DLG2: variants seen among roughly 807,000 people sequenced by gnomAD.
The protein encoded by DLG2 is discs large MAGUK scaffold protein 2.
In DLG2, 45 loss-of-function variants were observed where a neutral mutation model predicts 132.5. The ratio of observed to expected loss-of-function variants is 0.34; its 90% CI spans 0.27 to 0.44. The LOEUF is 0.44. DLG2 is among the 20% of genes least tolerant of loss of function. The probability of loss-of-function intolerance (pLI) is 1.00; values close to 1 mark genes in which losing one functional copy is unlikely to be tolerated. For missense variants in DLG2, 1,045 were observed against 1,196.9 expected, an observed-to-expected ratio of 0.87 and a Z score of 1.87; for synonymous variants, 424 against 419.6, an observed-to-expected ratio of 1.01 and a Z score of -0.13.
At chr11:84,308,905 G>C (rs1440563687) in intron 7 of DLG2, among the ~76,000 whole-genome samples, 2 of 152,138 alleles carry the variant, frequency 1.3e-5, no homozygotes, top group Non-Finnish European at 2.9e-5. Context: ...CCCAGTTCCC[G>C]CCCGCGCCTC....
chr11:84,294,321 A>C (rs1456895846), intron 7 of DLG2, among the ~76,000 whole-genome samples: 1 of 152,182 alleles, frequency 6.6e-6, no homozygotes, highest in African/African-American at 2.4e-5. Flanking sequence ...CCTCTTGGCC[A>C]GGTGCAGTGG....
At chr11:85,176,726 T>C (rs2079276773) in intron 4 of DLG2, among the ~76,000 whole-genome samples, 1 of 152,156 alleles carries the variant, frequency 6.6e-6, no homozygotes, top group South Asian at 2.1e-4. Flanking sequence ...GACGAAGGTC[T>C]AATATCTAGA....
chr11:85,357,704 T>TTATATATATATA (rs58283704), intron 3 of DLG2, among the ~76,000 whole-genome samples: 1 of 106,272 alleles, frequency 9.4e-6, no homozygotes, highest in African/African-American at 3.6e-5. Context: ...CTGTTCTGAA[T>TTATATATATATA]TATATATATA....
At chr11:84,983,454 A>G (rs945054545) in intron 6 of DLG2, among the ~76,000 whole-genome samples, 2 of 152,244 alleles carry the variant, frequency 1.3e-5, no homozygotes, top group African/African-American at 2.4e-5. Flanking sequence ...GTACTAATAC[A>G]TCAAGGAAAC....
intron 7 of DLG2, among the ~76,000 whole-genome samples, chr11:84,380,514 AAAG>A (rs2098745657): frequency 1.3e-5 from 2 of 152,002 alleles, no homozygotes; most frequent in South Asian, 2.1e-4. Context: ...CACAGGAGTT[AAAG>A]AAGAAAACTA....
At chr11:84,698,914 A>G (rs1003087418) in intron 6 of DLG2, among the ~76,000 whole-genome samples, 1 of 151,632 alleles carries the variant, frequency 6.6e-6, no homozygotes, top group African/African-American at 2.4e-5. Context: ...TCATATGTAT[A>G]GTATGAAATA....
chr11:84,297,425 T>C (rs767784522), intron 7 of DLG2, among the ~76,000 whole-genome samples: 5 of 152,304 alleles, frequency 3.3e-5, no homozygotes, highest in Non-Finnish European at 7.3e-5. Flanking sequence ...TTATTTTTCT[T>C]ATCTTCTCAC....
chr11:83,794,131 C>T (rs1454381240), intron 17 of DLG2, among the ~76,000 whole-genome samples: 1 of 152,118 alleles, frequency 6.6e-6, no homozygotes, highest in Non-Finnish European at 1.5e-5. Flanking sequence ...ATAATAAAAT[C>T]TTGTTCATTT....
intron 21 of DLG2, among the ~76,000 whole-genome samples, chr11:83,529,656 G>T (rs1264066313): frequency 6.6e-6 from 1 of 151,048 alleles, no homozygotes; most frequent in Non-Finnish European, 1.5e-5. Context: ...CAATCCATTA[G>T]TCTACACAGG....
At chr11:85,499,098 C>G (rs551395533) in intron 3 of DLG2, among the ~76,000 whole-genome samples, 40 of 152,218 alleles carry the variant, frequency 2.6e-4, no homozygotes, top group Admixed American at 1.2e-3. Flanking sequence ...CAACTAAGAT[C>G]AGAGCAGAAC....
chr11:83,827,794 C>A (rs1008718386), intron 17 of DLG2, among the ~76,000 whole-genome samples: 1 of 152,166 alleles, frequency 6.6e-6, no homozygotes, highest in Admixed American at 6.5e-5. Context: ...TTTCCTTCTG[C>A]AGAAAGAATG....
chr11:83,737,584 T>C (rs1333785345), intron 18 of DLG2, among the ~76,000 whole-genome samples: 1 of 152,176 alleles, frequency 6.6e-6, no homozygotes, highest in Non-Finnish European at 1.5e-5. Context: ...TAAACACAGA[T>C]TGGAAAAGGA....
At chr11:83,967,971 T>C (rs1400183201) in intron 12 of DLG2, among the ~76,000 whole-genome samples, 1 of 152,192 alleles carries the variant, frequency 6.6e-6, no homozygotes, top group Non-Finnish European at 1.5e-5. Context: ...TTGAAAAGAC[T>C]AGCCTTTCTT....
intron 22 of DLG2, among the ~76,000 whole-genome samples, chr11:83,481,037 G>C (rs143514304): frequency 3.3e-5 from 5 of 152,058 alleles, no homozygotes; most frequent in African/African-American, 1.2e-4. Flanking sequence ...AATATTTTAC[G>C]AATCAGCTCA....
intron 6 of DLG2, 111 bp from the exon 7 acceptor site, chr11:84,534,842 T>C (rs368435768): frequency 1.0e-5 from 13 of 1,254,240 alleles, no homozygotes; most frequent in Non-Finnish European, 1.5e-5. Context: ...GCACCTACTG[T>C]TGACTTCACC....
intron 3 of DLG2, among the ~76,000 whole-genome samples, chr11:85,581,545 G>A (rs756812419): frequency 2.0e-5 from 3 of 152,232 alleles, no homozygotes; most frequent in Non-Finnish European, 2.9e-5. Context: ...TTGAACCTGG[G>A]AGGTGGAGGT....
chr11:84,809,069 T>C (rs1211571050), intron 6 of DLG2, among the ~76,000 whole-genome samples: 1 of 151,772 alleles, frequency 6.6e-6, no homozygotes, highest in Non-Finnish European at 1.5e-5. Flanking sequence ...ATTTCGACAA[T>C]ATATAAAATA....
At position 83,512,728 on chromosome 11, in the gene DLG2, T is replaced by C. The variant is rs376031858; in HGVS notation, c.2193+19980A>G. Among the ~76,000 whole-genome samples, 17 of 151,530 alleles carry C rather than the reference T, an allele frequency of 1.1e-4. No homozygotes were observed. The East Asian group carries it at 3.1e-3, about 28-fold the overall frequency. ...CCCTGGTGTGTGATGTTCCCTTTCC[T>C]GTGTCCATGTTTTCTCATTTTTCAA... On this transcript the variant is annotated intron_variant, in intron 21 of 27. Transcript: ENST00000376104.
intron 6 of DLG2, among the ~76,000 whole-genome samples, chr11:84,639,529 A>T (rs554679774): frequency 6.6e-6 from 1 of 152,306 alleles, no homozygotes; most frequent in Non-Finnish European, 1.5e-5. Flanking sequence ...TGTAAATTGT[A>T]TGAAGGAACA....
Sources: allele counts gnomAD v4.1 joint callset (sites outside exome capture counted in the v4.1 genomes callset), GRCh38; gene constraint gnomAD v4.1.1; transcripts MANE v1.5; gene names NCBI Gene and HGNC (gene_info 2026-07-23, HGNC 2026-07-21).